Variants in KANSL2 observed in about 807,000 individuals in gnomAD.
KANSL2 encodes the protein KAT8 regulatory NSL complex subunit 2, also known as NSL complex protein NSL2.
A neutral mutation model predicts 55.6 loss-of-function variants in KANSL2; 34 were observed. The observed-to-expected ratio is 0.61, with a 90% CI of 0.46 to 0.81. KANSL2 has a LOEUF of 0.81. KANSL2 is among the 40% of genes least tolerant of loss of function. KANSL2 has a pLI of 0.00. For synonymous variants in KANSL2, 209 were observed against 214.3 expected (o/e 0.98, Z 0.22); for missense variants, 502 against 609.9 (o/e 0.82, Z 1.86).
chr12:48,672,433 A>ATACGTATATATATATATATATATATTTT (rs371918890), intron 4 of KANSL2, among the ~76,000 whole-genome samples: 4 of 120,380 alleles, frequency 3.3e-5, no homozygotes, highest in Non-Finnish European at 6.4e-5. Context: ...ATATATATAT[A>ATACGTATATATATATATATATATATTTT]TTTTTTTTTT....
intron 7 of KANSL2, among the ~76,000 whole-genome samples, chr12:48,665,594 A>T (rs968900980): frequency 6.6e-6 from 1 of 152,158 alleles, no homozygotes; most frequent in Non-Finnish European, 1.5e-5. Context: ...ATAAGTTTTA[A>T]TTTCCAAATA....
Position 48,679,154 on chromosome 12 carries a change from A to T in KANSL2, c.431-4T>A. On this transcript the variant is annotated splice_region_variant and splice_polypyrimidine_tract_variant and intron_variant, in intron 3 of 9. Transcript: ENST00000420613. ...CCATCACTCCAGCTGTCTTCATCTGAGGCAAGGAAGGGAGAGCAGCCATTA... is the reference window on the plus strand; with the variant it reads ...CCATCACTCCAGCTGTCTTCATCTGTGGCAAGGAAGGGAGAGCAGCCATTA... 6.2e-7 allele frequency: 1 copy of T among 1,602,942 alleles called. No homozygotes were observed. The highest frequency in any genetic ancestry group is 8.5e-7 in the Non-Finnish European group (1 of 1,170,326).
chr12:48,680,026 C>T (rs1939890972), intron 2 of KANSL2, 193 bp from the exon 3 acceptor site: 4 of 538,280 alleles, frequency 7.4e-6, no homozygotes, highest in East Asian at 3.2e-5. Context: ...AATAACAGGA[C>T]GGATGAAGTG....
chr12:48,676,942 T>C (rs1387636290), intron 4 of KANSL2, among the ~76,000 whole-genome samples: 1 of 152,142 alleles, frequency 6.6e-6, no homozygotes, highest in Non-Finnish European at 1.5e-5. Flanking sequence ...ACAAAGACAC[T>C]GGTGCCCTAA....
chr12:48,666,130 T>C (rs1239540210), intron 7 of KANSL2, among the ~76,000 whole-genome samples: 4 of 151,824 alleles, frequency 2.6e-5, no homozygotes, highest in Admixed American at 2.6e-4. Flanking sequence ...GGGAAGATCG[T>C]TTAAGCCCAG....
chr12:48,663,995 G>A (rs1592100567), intron 7 of KANSL2, among the ~76,000 whole-genome samples: 1 of 126,994 alleles, frequency 7.9e-6, no homozygotes, highest in Non-Finnish European at 1.6e-5. Flanking sequence ...TCGGCTCACC[G>A]CCTCCGCCTT....
At chr12:48,664,589 T>C (rs1001129637) in intron 7 of KANSL2, among the ~76,000 whole-genome samples, 9 of 142,016 alleles carry the variant, frequency 6.3e-5, no homozygotes, top group Non-Finnish European at 1.4e-4. Context: ...TTTTTTTTTT[T>C]TTTTTTTTTT....
intron 5 of KANSL2, among the ~76,000 whole-genome samples, chr12:48,671,274 T>TTAA (rs1555155291): frequency 0.011 from 1,495 of 142,312 alleles, 25 homozygotes; most frequent in African/African-American, 0.037. Flanking sequence ...CCGTCTCAAT[T>TTAA]AAAAAAAAAA....
At chr12:48,667,176 C>T (rs907406727) in intron 7 of KANSL2, among the ~76,000 whole-genome samples, 4 of 152,058 alleles carry the variant, frequency 2.6e-5, no homozygotes, top group East Asian at 1.9e-4. Flanking sequence ...TAGAGCAAAA[C>T]TCCATCTCCA....
intron 7 of KANSL2, among the ~76,000 whole-genome samples, chr12:48,664,903 T>TTTTTTTG (rs1387006355): frequency 6.9e-6 from 1 of 145,216 alleles, no homozygotes; most frequent in Non-Finnish European, 1.5e-5. Context: ...TTTTTTTTTT[T>TTTTTTTG]AGAGACAGGG....
chr12:48,677,142 C>T (rs1359947638), intron 4 of KANSL2, among the ~76,000 whole-genome samples: 1 of 152,066 alleles, frequency 6.6e-6, no homozygotes. Context: ...GGAAAATTAA[C>T]GAAAGCCTTA....
chr12:48,667,664 C>T (rs551874736), intron 7 of KANSL2, 29 bp downstream of exon 7: 58 of 1,532,978 alleles, frequency 3.8e-5, no homozygotes, highest in Non-Finnish European at 4.9e-5. Flanking sequence ...TAGCAAACCA[C>T]AGCCTTAACA....
chr12:48,681,884 C>T lies in KANSL2; in HGVS notation c.-9-243G>A. ...ACGCTGAATGTATCTTCAGGACTCG[C>T]ACAGCTGCAGCACGAAGGGAAGCGA... On this transcript the variant is annotated intron_variant, in intron 1 of 9. Transcript: ENST00000420613. The T allele has an allele frequency of 4.3e-6, 3 of 704,130 alleles. No homozygotes were observed. In the East Asian group the frequency reaches 8.0e-5, roughly 19 times the overall value. 43.6% of individuals were successfully genotyped at this position (704,130 alleles called of 1,614,324 possible). A position where few individuals can be genotyped will look rare whatever the true frequency, so the allele number is the denominator to read the frequency against.
chr12:48,672,425 A>T (rs868633421), intron 4 of KANSL2, among the ~76,000 whole-genome samples: 5 of 111,320 alleles, frequency 4.5e-5, no homozygotes, highest in African/African-American at 1.8e-4. Flanking sequence ...ATATATATAT[A>T]TATATATATT....
intron 7 of KANSL2, among the ~76,000 whole-genome samples, chr12:48,661,754 C>T (rs1939491401): frequency 2.6e-5 from 4 of 152,200 alleles, no homozygotes; most frequent in Admixed American, 2.6e-4. Flanking sequence ...AACTGTGGCA[C>T]TACCAACACT....
chr12:48,660,540 AG>A lies in KANSL2; in HGVS notation c.1052del (p.Pro351LeufsTer2). On this transcript the variant is annotated frameshift_variant, in exon 8 of 10. Transcript: ENST00000420613. LOFTEE classifies it high-confidence loss of function. ...AGCAGGGATCCTCAGAGAGGCTTAC[AG>A]GAACAGGTTTGTTGCAGGGTACCTC... ...SEEVPCNKPVPVSLSEDPCCP... is the reference protein window; with the variant it reads ...SEEVPCNKPVXVSLSEDPCCP... The A allele has an allele frequency of 6.2e-7, 1 of 1,613,572 alleles. No homozygotes were observed. Among genetic ancestry groups the A allele is most frequent in the Non-Finnish European group, 8.5e-7 (1 of 1,179,732 alleles).
intron 7 of KANSL2, among the ~76,000 whole-genome samples, chr12:48,666,521 C>T (rs61942049): frequency 0.22 from 33,851 of 151,672 alleles, 4,724 homozygotes; most frequent in Non-Finnish European, 0.33. Context: ...GGTGAAACCC[C>T]ATCTCTACTA....
chr12:48,659,138 A>T (rs1939444333), intron 8 of KANSL2, among the ~76,000 whole-genome samples: 1 of 151,856 alleles, frequency 6.6e-6, no homozygotes, highest in Non-Finnish European at 1.5e-5. Flanking sequence ...TACAAAAAAT[A>T]CAAAAATCAG....
intron 8 of KANSL2, among the ~76,000 whole-genome samples, chr12:48,656,977 T>C (rs1261881274): frequency 6.6e-6 from 1 of 152,230 alleles, no homozygotes; most frequent in Non-Finnish European, 1.5e-5. Context: ...TCTACGCTTT[T>C]AAATAAATCT....
Sources: allele counts gnomAD v4.1 joint callset (sites outside exome capture counted in the v4.1 genomes callset), GRCh38; gene constraint gnomAD v4.1.1; transcripts MANE v1.5; gene names NCBI Gene and HGNC (gene_info 2026-07-23, HGNC 2026-07-21).